Variants in PRKAR1B observed in about 807,000 individuals in gnomAD.
The protein encoded by PRKAR1B is protein kinase cAMP-dependent type I regulatory subunit beta, also known as cAMP-dependent protein kinase type I-beta regulatory subunit.
In PRKAR1B, 22 loss-of-function variants were observed where a neutral mutation model predicts 46.5. The ratio of observed to expected loss-of-function variants is 0.47; its 90% CI spans 0.34 to 0.68. The LOEUF is 0.68. Ranked by LOEUF, PRKAR1B falls within the 30% of genes least tolerant of loss-of-function variation. PRKAR1B has a pLI of 0.01. For missense variants in PRKAR1B, 445 were observed against 535.6 expected, an observed-to-expected ratio of 0.83 and a Z score of 1.67; for synonymous variants, 259 against 217.7, an observed-to-expected ratio of 1.19 and a Z score of -1.67.
Position 644,516 on chromosome 7 carries a change from G to A in PRKAR1B, c.440+32713C>T, listed in dbSNP as rs1209238023. Among the ~76,000 whole-genome samples the A allele has an allele frequency of 2.6e-5, 4 of 152,152 alleles. No homozygotes were observed. Among genetic ancestry groups the A allele is most frequent in the Non-Finnish European group, 4.4e-5 (3 of 68,008 alleles). On this transcript the variant is annotated intron_variant, in intron 4 of 10. Transcript: ENST00000537384. The surrounding 1 kb of genome is among the most constrained non-coding windows in gnomAD (Gnocchi z 4.9). Reference sequence around the variant, plus strand: ...CCATCCCGGGGTCCAGCATCCCTCCGAGGGCCCACCCTCCACTCCCCGCTG... The same window carrying A: ...CCATCCCGGGGTCCAGCATCCCTCCAAGGGCCCACCCTCCACTCCCCGCTG...
In PRKAR1B at chr7:550,741, T is replaced by C. The variant is rs75478438; in HGVS notation, c.974-139A>G. 0.013 allele frequency: 8,910 copies of C among 663,606 alleles called. 462 individuals carry two copies. The East Asian group carries it at 0.15, about 11-fold the overall frequency. The allele number at this position is 663,606 out of a possible 1,614,324, so 41.1% of individuals were successfully genotyped here. A position where few individuals can be genotyped will look rare whatever the true frequency, so the allele number is the denominator to read the frequency against. The stretch of plus-strand genomic sequence containing the variant: ...GGCACACGTGAATTTCAAACAAACT[T>C]GTAGCATAAGTATAGCCCGAGAACT... On this transcript the variant is annotated intron_variant, in intron 10 of 10. Transcript: ENST00000537384.
chr7:699,595 CTCT>C (rs1463599715), intron 2 of PRKAR1B, among the ~76,000 whole-genome samples: 1 of 152,210 alleles, frequency 6.6e-6, no homozygotes, highest in Non-Finnish European at 1.5e-5. Context: ...AGATCTCCTC[CTCT>C]GAGCTCACCC....
At chr7:711,116 C>G (rs1356731280) in intron 2 of PRKAR1B, among the ~76,000 whole-genome samples, 1 of 152,210 alleles carries the variant, frequency 6.6e-6, no homozygotes, top group Non-Finnish European at 1.5e-5. Context: ...GAGGACCCCA[C>G]CTAGAGGCAT....
intron 8 of PRKAR1B, 138 bp downstream of exon 8, chr7:584,370 C>T (rs1780479967): frequency 1.4e-6 from 1 of 694,420 alleles, no homozygotes; most frequent in South Asian, 1.7e-5. Flanking sequence ...GTGAGCATGC[C>T]TGTGTGTTGC....
Position 560,309 on chromosome 7 carries a change from T to TA in PRKAR1B, c.892-8840_892-8839insT, listed in dbSNP as rs1325438444. 6.6e-6 allele frequency among the ~76,000 whole-genome samples: 1 copy of TA among 151,720 alleles called. No individual in the cohort carries two copies. The highest frequency in any genetic ancestry group is 1.9e-4 in the East Asian group (1 of 5,164). On this transcript the variant is annotated intron_variant, in intron 9 of 10. Transcript: ENST00000537384. This position sits in a 1 kb window ranked among gnomAD's most constrained non-coding sequence, Gnocchi z 4.2. Reference sequence around the variant, plus strand: ...CGATTAAACCTCTTTTCTTTATAAATTACCCAGTCTCGGGCATTTCTTCAT... The same window carrying TA: ...CGATTAAACCTCTTTTCTTTATAAATATACCCAGTCTCGGGCATTTCTTCAT...
Position 727,248 on chromosome 7 carries a change from C to G in PRKAR1B, c.-61G>C, listed in dbSNP as rs1358007541. Reference sequence around the variant, plus strand: ...TGCGCGCGCTGCGCTGCTCCCTGCTCGACCCCTTCGCCGCCGTGCGCCGCG... The same window carrying G: ...TGCGCGCGCTGCGCTGCTCCCTGCTGGACCCCTTCGCCGCCGTGCGCCGCG... On this transcript the variant is annotated 5_prime_UTR_variant, in exon 1 of 11. Coordinates refer to ENST00000537384, the MANE Select transcript of PRKAR1B (RefSeq NM_001164760.2). 1.6e-5 allele frequency: 21 copies of G among 1,347,690 alleles called. No homozygotes were observed. Among genetic ancestry groups the G allele is most frequent in the Admixed American group, 3.6e-5 (1 of 28,012 alleles). 83.5% of individuals were successfully genotyped at this position (1,347,690 alleles called of 1,614,324 possible).
intron 4 of PRKAR1B, among the ~76,000 whole-genome samples, chr7:622,313 A>G (rs1242490852): frequency 6.6e-6 from 1 of 152,232 alleles, no homozygotes; most frequent in Non-Finnish European, 1.5e-5. Context: ...GAGGGGTGGC[A>G]GCAAGGACCC....
chr7:588,090 G>A (rs973048922), intron 7 of PRKAR1B, among the ~76,000 whole-genome samples: 6 of 152,124 alleles, frequency 3.9e-5, no homozygotes, highest in Admixed American at 2.0e-4. Context: ...CTCCCAAGCC[G>A]CCCTCAGTGT....
chr7:641,218 C>T (rs533629376), intron 4 of PRKAR1B, among the ~76,000 whole-genome samples: 1 of 152,178 alleles, frequency 6.6e-6, no homozygotes, highest in African/African-American at 2.4e-5. Context: ...TCCCAAAGTT[C>T]TGGGATTACA....
chr7:607,389 A>C lies in PRKAR1B; in HGVS notation c.502+2T>G. 6.2e-7 allele frequency: 1 copy of C among 1,613,084 alleles called. No individual in the cohort carries two copies. Among genetic ancestry groups the C allele is most frequent in the Non-Finnish European group, 8.5e-7 (1 of 1,179,250 alleles). On this transcript the variant is annotated splice_donor_variant, in intron 5 of 10. Coordinates refer to ENST00000537384, the MANE Select transcript of PRKAR1B (RefSeq NM_001164760.2). LOFTEE classifies it high-confidence loss of function. ...TGGCTCCGAGGAGCAGGCAGAACGT[A>C]CCTTGCTGTATAACAGTCTCCCCAG... is the stretch of plus-strand genomic sequence containing the variant.
intron 3 of PRKAR1B, 46 bp from the exon 4 acceptor site, chr7:677,366 T>C (rs761152851): frequency 5.5e-5 from 85 of 1,554,734 alleles, no homozygotes; most frequent in Non-Finnish European, 7.5e-5. Context: ...CCTGGCCTGA[T>C]GCTGTGACGC....
chr7:609,242 T>C (rs1207255149), intron 4 of PRKAR1B, among the ~76,000 whole-genome samples: 1 of 152,220 alleles, frequency 6.6e-6, no homozygotes. Flanking sequence ...TAAACTGCAT[T>C]TCTTCAAAAC....
intron 9 of PRKAR1B, among the ~76,000 whole-genome samples, chr7:566,170 T>C (rs199847785): frequency 2.1e-5 from 3 of 141,896 alleles, no homozygotes; most frequent in African/African-American, 2.8e-5. Flanking sequence ...ATCATCACTA[T>C]CACCATCATC....
At chr7:703,586 G>A (rs975238394) in intron 2 of PRKAR1B, among the ~76,000 whole-genome samples, 14 of 151,638 alleles carry the variant, frequency 9.2e-5, no homozygotes, top group Non-Finnish European at 1.8e-4. Context: ...AACCCGGGAG[G>A]TGGAGCTTGG....
At chr7:586,136 G>A (rs1045723185) in intron 7 of PRKAR1B, among the ~76,000 whole-genome samples, 9 of 152,076 alleles carry the variant, frequency 5.9e-5, no homozygotes, top group South Asian at 4.2e-4. Flanking sequence ...GCTGGTTCTC[G>A]GGCCCCATGG....
At chr7:642,862 G>A (rs563406126) in intron 4 of PRKAR1B, among the ~76,000 whole-genome samples, 1 of 151,704 alleles carries the variant, frequency 6.6e-6, no homozygotes, top group Admixed American at 6.5e-5. Flanking sequence ...CGTGGAGGGG[G>A]CAGTGAGACC....
At chr7:607,658 C>T (rs1398195322) in intron 4 of PRKAR1B, among the ~76,000 whole-genome samples, 2 of 152,234 alleles carry the variant, frequency 1.3e-5, no homozygotes, top group African/African-American at 4.8e-5. Context: ...ACACAACCTC[C>T]CAGCCCCATT....
At chr7:588,025 G>A (rs902589657) in intron 7 of PRKAR1B, among the ~76,000 whole-genome samples, 17 of 152,342 alleles carry the variant, frequency 1.1e-4, no homozygotes, top group African/African-American at 1.4e-4. Context: ...TGGTGGCCAG[G>A]CTGACCTTTC....
chr7:648,023 G>A (rs1393955759), intron 4 of PRKAR1B, among the ~76,000 whole-genome samples: 1 of 151,546 alleles, frequency 6.6e-6, no homozygotes, highest in Non-Finnish European at 1.5e-5. Flanking sequence ...GTGCGCACCT[G>A]TGGTCCCAGG....
Sources: allele counts gnomAD v4.1 joint callset (sites outside exome capture counted in the v4.1 genomes callset), GRCh38; gene constraint gnomAD v4.1.1; non-coding constraint Gnocchi (gnomAD v3.1); transcripts MANE v1.5; gene names NCBI Gene and HGNC (gene_info 2026-07-23, HGNC 2026-07-21).